WIPF3: variants seen among roughly 807,000 people sequenced by gnomAD.
WIPF3 encodes the protein WAS/WASL interacting protein family member 3.
A neutral mutation model predicts 38.9 loss-of-function variants in WIPF3; 33 were observed. That is an observed-to-expected ratio of 0.85 (90% CI 0.64 to 1.14). The LOEUF is 1.14. Among genes scored for constraint, WIPF3 ranks in the 50% most tolerant of loss-of-function variants. The pLI is 0.00. For missense variants in WIPF3, 711 were observed against 652.5 expected, an observed-to-expected ratio of 1.09 and a Z score of -0.98; for synonymous variants, 324 against 269.3, an observed-to-expected ratio of 1.20 and a Z score of -1.99.
chr7:29,818,003 T>C (rs1439373778), intron 1 of WIPF3, among the ~76,000 whole-genome samples: 1 of 152,246 alleles, frequency 6.6e-6, no homozygotes, highest in Non-Finnish European at 1.5e-5. Context: ...GCATATTTTG[T>C]TAAGTTTATG....
chr7:29,824,071 G>T (rs986580043), intron 1 of WIPF3, among the ~76,000 whole-genome samples: 1 of 152,212 alleles, frequency 6.6e-6, no homozygotes, highest in African/African-American at 2.4e-5. Context: ...GGCAATACCA[G>T]TATCCCAAAG....
intron 2 of WIPF3, among the ~76,000 whole-genome samples, chr7:29,861,231 T>G (rs954818064): frequency 6.6e-6 from 1 of 152,202 alleles, no homozygotes; most frequent in African/African-American, 2.4e-5. Flanking sequence ...AGTGAATGTT[T>G]GTTTGAGTGG....
Position 29,844,337 on chromosome 7 carries a change from G to A in WIPF3, c.90+9523G>A, listed in dbSNP as rs1288847203. ...GAATTATCACTTACCCATTGGCTGA[G>A]TTGGATCCTGTAACAATAATGCTTC... On this transcript the variant is annotated intron_variant, in intron 2 of 8. Coordinates refer to ENST00000242140, the MANE Select transcript of WIPF3 (RefSeq NM_001080529.3). The surrounding 1 kb of genome is among the most constrained non-coding windows in gnomAD (Gnocchi z 4.8). 6.6e-6 allele frequency among the ~76,000 whole-genome samples: 1 copy of A among 152,236 alleles called. No homozygotes were observed. The highest frequency in any genetic ancestry group is 2.4e-5 in the African/African-American group (1 of 41,464).
intron 2 of WIPF3, among the ~76,000 whole-genome samples, chr7:29,862,149 T>C (rs1166935205): frequency 6.6e-6 from 1 of 152,066 alleles, no homozygotes; most frequent in Non-Finnish European, 1.5e-5. Flanking sequence ...CATGGGGCAT[T>C]TTCTTCCCAG....
At chr7:29,883,009 G>C (rs573445353) in intron 4 of WIPF3, among the ~76,000 whole-genome samples, 4 of 152,300 alleles carry the variant, frequency 2.6e-5, no homozygotes, top group South Asian at 2.1e-4. Flanking sequence ...AAAAGGGTGA[G>C]AACTGGCAAA....
Position 29,914,503 on chromosome 7 carries a change from A to AGACT in WIPF3, c.1440_1443dup (p.Leu482AspfsTer32). ...GTTATGTTTCCACAGTTATCTCTAAAGACTCTTCGGTGAGAAGACAGATGA... is the reference window on the plus strand; with the variant it reads ...GTTATGTTTCCACAGTTATCTCTAAAGACTGACTCTTCGGTGAGAAGACAGATGA... On this transcript the variant is annotated frameshift_variant, in exon 9 of 9. Transcript: ENST00000242140. LOFTEE classifies it high-confidence loss of function. 1 of 1,521,394 alleles carries AGACT rather than the reference A, an allele frequency of 6.6e-7. No homozygotes were observed. Among genetic ancestry groups the AGACT allele is most frequent in the Non-Finnish European group, 8.8e-7 (1 of 1,132,678 alleles). 94.2% of individuals were successfully genotyped at this position (1,521,394 alleles called of 1,614,324 possible).
chr7:29,857,375 T>C (rs533484918), intron 2 of WIPF3, among the ~76,000 whole-genome samples: 29 of 152,232 alleles, frequency 1.9e-4, no homozygotes, highest in African/African-American at 6.0e-4. Flanking sequence ...TTTTTCTTGA[T>C]TTTTAGTAGA....
intron 2 of WIPF3, among the ~76,000 whole-genome samples, chr7:29,854,872 G>C (rs961159365): frequency 6.6e-6 from 1 of 152,112 alleles, no homozygotes; most frequent in East Asian, 1.9e-4. Context: ...GAATACACAG[G>C]GAAAAGACAG....
chr7:29,883,700 C>T, intron 4 of WIPF3, 150 bp from the exon 5 acceptor site: 1 of 1,140,148 alleles, frequency 8.8e-7, no homozygotes, highest in Non-Finnish European at 1.2e-6. Context: ...ACAGCTGTGG[C>T]ACCTGAGGCC....
At chr7:29,887,744 C>A (rs1785912037) in intron 5 of WIPF3, among the ~76,000 whole-genome samples, 1 of 152,200 alleles carries the variant, frequency 6.6e-6, no homozygotes, top group African/African-American at 2.4e-5. Context: ...AATATTATTG[C>A]AGCAGCTAAC....
intron 1 of WIPF3, among the ~76,000 whole-genome samples, chr7:29,806,923 C>A (rs1027022461): frequency 6.6e-6 from 1 of 151,448 alleles, no homozygotes; most frequent in African/African-American, 2.4e-5. Context: ...CGGGCCGGGC[C>A]GGGCCGGGCG....
intron 1 of WIPF3, 76 bp from the exon 2 acceptor site, chr7:29,834,592 A>T: frequency 8.0e-7 from 1 of 1,242,256 alleles, no homozygotes; most frequent in Non-Finnish European, 1.1e-6. Flanking sequence ...TATAATATGC[A>T]TGTCTGCAAG....
chr7:29,817,570 C>A (rs981488037), intron 1 of WIPF3, among the ~76,000 whole-genome samples: 4 of 151,948 alleles, frequency 2.6e-5, no homozygotes, highest in African/African-American at 9.7e-5. Flanking sequence ...AGATTACTAC[C>A]CAATTTACTC....
At chr7:29,910,492 A>T (rs1235186309) in intron 8 of WIPF3, among the ~76,000 whole-genome samples, 3 of 152,218 alleles carry the variant, frequency 2.0e-5, no homozygotes, top group Non-Finnish European at 4.4e-5. Context: ...AATATCCCTT[A>T]TAAACACTGA....
chr7:29,893,900 C>T (rs1786077103), intron 7 of WIPF3, among the ~76,000 whole-genome samples: 1 of 152,168 alleles, frequency 6.6e-6, no homozygotes, highest in Admixed American at 6.6e-5. Flanking sequence ...GGTCAGCAAA[C>T]ATTTGCTGTA....
chr7:29,853,831 AG>A (rs1336715580), intron 2 of WIPF3, among the ~76,000 whole-genome samples: 1 of 152,212 alleles, frequency 6.6e-6, no homozygotes, highest in Non-Finnish European at 1.5e-5. Flanking sequence ...AGGACCATCC[AG>A]GTGTTCACTG....
intron 2 of WIPF3, among the ~76,000 whole-genome samples, chr7:29,840,101 G>T (rs367753698): frequency 3.9e-5 from 6 of 152,196 alleles, no homozygotes; most frequent in African/African-American, 1.4e-4. Flanking sequence ...CACCTGTCCC[G>T]CAGTCAGCTG....
At chr7:29,811,545 A>G (rs961203388) in intron 1 of WIPF3, among the ~76,000 whole-genome samples, 34 of 152,202 alleles carry the variant, frequency 2.2e-4, no homozygotes, top group African/African-American at 7.5e-4. Context: ...AAAAGAAAAC[A>G]TAAATAGTTA....
chr7:29,916,078 G>A lies in WIPF3; in HGVS notation c.*1562G>A, dbSNP rs1268993891. On this transcript the variant is annotated 3_prime_UTR_variant, in exon 9 of 9. Transcript: ENST00000242140. Reference sequence around the variant, plus strand: ...AGTGCTGTGCTTTCTCATTCCAGATGGAAGCAAGTGAGCCAGGGTCAAATT... The same window carrying A: ...AGTGCTGTGCTTTCTCATTCCAGATAGAAGCAAGTGAGCCAGGGTCAAATT... 3 of 152,156 alleles carry A rather than the reference G, an allele frequency of 2.0e-5. No homozygotes were observed. The highest frequency in any genetic ancestry group is 4.4e-5 in the Non-Finnish European group (3 of 68,034). 9.4% of individuals were successfully genotyped at this position (152,156 alleles called of 1,614,324 possible). A position where few individuals can be genotyped will look rare whatever the true frequency, so the allele number is the denominator to read the frequency against.
Sources: gnomAD v4.1 joint callset for allele counts (sites outside exome capture counted in the v4.1 genomes callset) on GRCh38, gnomAD v4.1.1 for gene constraint, Gnocchi (gnomAD v3.1) non-coding constraint, MANE v1.5 for transcripts, NCBI Gene and HGNC (gene_info 2026-07-23, HGNC 2026-07-21) for gene names.